Variants in TTC7A observed in about 807,000 individuals in gnomAD.
TTC7A encodes the protein tetratricopeptide repeat protein 7A.
TTC7A carries 110 observed loss-of-function variants against 103.7 expected under a neutral mutation model. The ratio of observed to expected loss-of-function variants is 1.06; its 90% CI spans 0.91 to 1.24. The LOEUF (loss-of-function observed/expected upper bound fraction) is 1.24, where lower values mean the gene tolerates loss of function less well. TTC7A is among the 50% of genes most tolerant of loss of function. The pLI, the probability that TTC7A is intolerant of heterozygous loss-of-function variation, is 0.00. For synonymous variants in TTC7A, 521 were observed against 467.9 expected, an observed-to-expected ratio of 1.11 and a Z score of -1.47; for missense variants, 1,340 against 1,116.3, an observed-to-expected ratio of 1.20 and a Z score of -2.86.
chr2:46,975,063 C>A lies in TTC7A; in HGVS notation c.608C>A (p.Ala203Asp). 1 of 1,613,942 alleles carries A rather than the reference C, an allele frequency of 6.2e-7. No individual in the cohort carries two copies. Among genetic ancestry groups the A allele is most frequent in the South Asian group, 1.1e-5 (1 of 91,080 alleles). ...EEEVITCFER[A>D]SWIAQVFLQE... ...GAAGTGATCACCTGTTTTGAGAGGG[C>A]CTCCTGGATCGCTCAGGTGTTCCTG... Residue 203 changes from alanine (A) to aspartate (D), a missense_variant, in exon 4 of 20, where the codon GCC becomes GAC. Ala to Asp is a moderately radical substitution (Grantham distance 126, BLOSUM62 -2). Transcript: ENST00000319190.
chr2:46,964,804 A>G (rs1420986281), intron 3 of TTC7A, among the ~76,000 whole-genome samples: 2 of 152,124 alleles, frequency 1.3e-5, no homozygotes, highest in African/African-American at 4.8e-5. Context: ...CAGTGTGCTA[A>G]GGGCATGGAG....
chr2:47,050,708 A>C (rs889048521), intron 17 of TTC7A: 8 of 152,514 alleles, frequency 5.2e-5, no homozygotes, highest in African/African-American at 1.9e-4. Context: ...TCAGAAGCCA[A>C]ACCTAGCACC....
intron 18 of TTC7A, among the ~76,000 whole-genome samples, chr2:47,058,998 T>A (rs1683543669): frequency 7.7e-6 from 1 of 130,532 alleles, no homozygotes; most frequent in Admixed American, 7.8e-5. Flanking sequence ...GGTCCTCACC[T>A]CCTAAGCCTG....
chr2:46,981,000 G>T (rs115519174), intron 5 of TTC7A, among the ~76,000 whole-genome samples: 1 of 152,302 alleles, frequency 6.6e-6, no homozygotes, highest in South Asian at 2.1e-4. Context: ...CCACTGCCAC[G>T]TGTCCAGCAA....
chr2:47,028,381 A>T (rs1003291849), intron 14 of TTC7A, among the ~76,000 whole-genome samples: 1 of 152,226 alleles, frequency 6.6e-6, no homozygotes, highest in Non-Finnish European at 1.5e-5. Flanking sequence ...ATCCAGTAGA[A>T]CATTGGAGTC....
rs1682323365 is a variant in TTC7A at position 47,046,406 on chromosome 2, A to G, written c.1894A>G (p.Thr632Ala). 1 of 1,613,988 alleles carries G rather than the reference A, an allele frequency of 6.2e-7. No homozygotes were observed. Among genetic ancestry groups the G allele is most frequent in the Non-Finnish European group, 8.5e-7 (1 of 1,179,912 alleles). Reference sequence around the variant, plus strand: ...CAGACAAGTGCTGAGGCTGTGGCAGACCCTGTACAGCTTCTCCCAGCTGGG... The same window carrying G: ...CAGACAAGTGCTGAGGCTGTGGCAGGCCCTGTACAGCTTCTCCCAGCTGGG... ...TCRQVLRLWQ[T>A]LYSFSQLGGL... is the part of the protein sequence containing the mutation. Residue 632 changes from threonine (T) to alanine (A), a missense_variant, in exon 16 of 20, where the codon ACC (threonine) becomes GCC (alanine). Coordinates refer to ENST00000319190, the MANE Select transcript of TTC7A (RefSeq NM_020458.4).
intron 2 of TTC7A, among the ~76,000 whole-genome samples, chr2:46,934,007 C>T (rs1439194635): frequency 6.6e-6 from 1 of 152,066 alleles, no homozygotes; most frequent in Non-Finnish European, 1.5e-5. Context: ...TGACCTCCAG[C>T]CCAACTACTC....
intron 18 of TTC7A, chr2:47,053,972 C>A: frequency 3.6e-6 from 1 of 277,120 alleles, no homozygotes; most frequent in Non-Finnish European, 5.5e-6. Flanking sequence ...GTGCTGATAA[C>A]TCCAAGTAAG....
intron 15 of TTC7A, among the ~76,000 whole-genome samples, chr2:47,034,706 C>G (rs562564443): frequency 6.6e-6 from 1 of 152,248 alleles, no homozygotes; most frequent in East Asian, 1.9e-4. Flanking sequence ...CAAACAATTT[C>G]CCCTTCCCCT....
chr2:46,999,799 C>T (rs1007432959), intron 8 of TTC7A: 5 of 985,310 alleles, frequency 5.1e-6, no homozygotes, highest in Admixed American at 1.2e-4. Flanking sequence ...GTAAACTGAA[C>T]CCTTGGATCC....
chr2:46,939,543 C>T (rs1484164522), upstream of TTC7A, among the ~76,000 whole-genome samples: 1 of 152,188 alleles, frequency 6.6e-6, no homozygotes, highest in Non-Finnish European at 1.5e-5. Flanking sequence ...AGCAGTGATT[C>T]CCTCTACAGT....
intron 19 of TTC7A, among the ~76,000 whole-genome samples, chr2:47,064,129 C>T (rs773421143): frequency 3.6e-4 from 55 of 152,204 alleles, no homozygotes; most frequent in Non-Finnish European, 7.5e-4. Flanking sequence ...GAAGGAGATG[C>T]CACCTTGGCA....
chr2:46,955,243 C>T (rs999622177), intron 2 of TTC7A, among the ~76,000 whole-genome samples: 1 of 151,100 alleles, frequency 6.6e-6, no homozygotes, highest in African/African-American at 2.5e-5. Flanking sequence ...GAAATGAGCC[C>T]GTGGCTTGAG....
intron 10 of TTC7A, among the ~76,000 whole-genome samples, chr2:47,009,911 G>C (rs1337089553): frequency 6.8e-6 from 1 of 147,464 alleles, no homozygotes; most frequent in Non-Finnish European, 1.5e-5. Context: ...TTTGGTGGTG[G>C]GGGGGACAGG....
chr2:46,988,944 A>G (rs1445070799), intron 5 of TTC7A, among the ~76,000 whole-genome samples: 1 of 152,158 alleles, frequency 6.6e-6, no homozygotes, highest in Non-Finnish European at 1.5e-5. Context: ...TTATTTATTC[A>G]GTGATCATTT....
intron 5 of TTC7A, among the ~76,000 whole-genome samples, chr2:46,984,770 G>A (rs757850496): frequency 1.6e-4 from 25 of 152,208 alleles, no homozygotes; most frequent in Non-Finnish European, 3.1e-4. Context: ...GGGAGGCTTG[G>A]AGAGGTTGAG....
At chr2:46,978,760 G>A in intron 4 of TTC7A, 32 bp from the exon 5 acceptor site, 1 of 1,589,344 alleles carries the variant, frequency 6.3e-7, no homozygotes, top group Non-Finnish European at 8.6e-7. Flanking sequence ...AGAACTTTGA[G>A]ACAATGGCTC....
rs535761346 is a variant in TTC7A, at chr2:47,028,443, AG to A, written c.1642-780del. On this transcript the variant is annotated intron_variant, in intron 14 of 19. Transcript: ENST00000319190. Reference sequence around the variant, plus strand: ...AGAAGGTGCCCTTCCATGCTGCACCAGCCCCTCCTGGGCTCACTGACTGGGC... The same window carrying A: ...AGAAGGTGCCCTTCCATGCTGCACCACCCCTCCTGGGCTCACTGACTGGGC... 1.8e-3 allele frequency among the ~76,000 whole-genome samples: 268 copies of A among 152,354 alleles called. 1 individual carries two copies. The highest frequency in any genetic ancestry group is 6.1e-3 in the African/African-American group (252 of 41,576).
chr2:46,966,265 T>C (rs751987252), intron 3 of TTC7A, among the ~76,000 whole-genome samples: 4 of 152,088 alleles, frequency 2.6e-5, no homozygotes, highest in Non-Finnish European at 5.9e-5. Context: ...CTTTCTACTC[T>C]TTATAATATT....
Sources: allele counts gnomAD v4.1 joint callset (sites outside exome capture counted in the v4.1 genomes callset), GRCh38; gene constraint gnomAD v4.1.1; transcripts MANE v1.5; gene names NCBI Gene and HGNC (gene_info 2026-07-23, HGNC 2026-07-21).